Variants in CACNA1C observed in about 807,000 individuals in gnomAD.
CACNA1C encodes voltage-dependent L-type calcium channel subunit alpha-1C.
Under a neutral mutation model 229.0 loss-of-function variants are expected in CACNA1C, and 30 were observed. The observed-to-expected ratio is 0.13, with a 90% CI of 0.10 to 0.18. The LOEUF (loss-of-function observed/expected upper bound fraction) is 0.18, where lower values mean the gene tolerates loss of function less well. CACNA1C is among the 10% of genes least tolerant of loss of function. The probability of loss-of-function intolerance (pLI) is 1.00; values close to 1 mark genes in which losing one functional copy is unlikely to be tolerated. For synonymous variants in CACNA1C, 1,114 were observed against 1,132.5 expected, an observed-to-expected ratio of 0.98 and a Z score of 0.33; for missense variants, 1,658 against 2,845.0, an observed-to-expected ratio of 0.58 and a Z score of 9.49.
chr12:2,629,992 G>A (rs560679393), intron 29 of CACNA1C, among the ~76,000 whole-genome samples: 1 of 152,312 alleles, frequency 6.6e-6, no homozygotes, highest in East Asian at 1.9e-4. Context: ...AGTTGGAAGG[G>A]GGAAATCCAC....
intron 20 of CACNA1C, among the ~76,000 whole-genome samples, chr12:2,596,944 G>T (rs2068549429): frequency 6.6e-6 from 1 of 152,162 alleles, no homozygotes; most frequent in Non-Finnish European, 1.5e-5. Context: ...ACCAGATGCT[G>T]CTCAGATCCA....
intron 9 of CACNA1C, among the ~76,000 whole-genome samples, chr12:2,527,815 G>A (rs995990580): frequency 6.6e-6 from 1 of 152,168 alleles, no homozygotes; most frequent in African/African-American, 2.4e-5. Context: ...AGTAATGTCA[G>A]TGGTGGGTCC....
rs1482443482 is a variant in CACNA1C, at chr12:2,674,530, C to G, written c.4727-11C>G. On this transcript the variant is annotated splice_polypyrimidine_tract_variant and intron_variant, in intron 38 of 46. Transcript: ENST00000399655. ...CCCACCAAGGGGCTGAGGATCCTTT[C>G]CGCCCTGCAGGGAACCTAGAACAAG... The G allele has an allele frequency of 1.3e-6, 2 of 1,554,016 alleles. No individual in the cohort carries two copies. The highest frequency in any genetic ancestry group is 1.7e-6 in the Non-Finnish European group (2 of 1,148,290).
intron 3 of CACNA1C, among the ~76,000 whole-genome samples, chr12:2,386,741 G>A (rs1188261530): frequency 6.6e-6 from 1 of 152,168 alleles, no homozygotes; most frequent in African/African-American, 2.4e-5. Context: ...TAGACACTAA[G>A]CACCCGAGGG....
chr12:2,494,666 G>T (rs542495215), intron 7 of CACNA1C, among the ~76,000 whole-genome samples: 9 of 152,338 alleles, frequency 5.9e-5, no homozygotes, highest in Admixed American at 4.6e-4. Context: ...ACTTCTTCCT[G>T]AATCGGAAGG....
At chr12:2,298,787 G>T (rs1261896111) in intron 3 of CACNA1C, among the ~76,000 whole-genome samples, 1 of 152,136 alleles carries the variant, frequency 6.6e-6, no homozygotes, top group African/African-American at 2.4e-5. Flanking sequence ...CAGCCAAGTC[G>T]GTTCCTATCT....
intron 29 of CACNA1C, among the ~76,000 whole-genome samples, 186 bp from the exon 30 acceptor site, chr12:2,634,111 T>C (rs1424859372): frequency 6.6e-6 from 1 of 152,132 alleles, no homozygotes; most frequent in African/African-American, 2.4e-5. Context: ...GCCAGAACTG[T>C]AGAGTGGTAA....
intron 1 of CACNA1C, among the ~76,000 whole-genome samples, chr12:2,074,065 T>C (rs2062291809): frequency 6.6e-6 from 1 of 152,214 alleles, no homozygotes; most frequent in South Asian, 2.1e-4. Flanking sequence ...GTTGCTTAGG[T>C]TGTATTTTAT....
chr12:2,477,287 G>A (rs1191351147), intron 5 of CACNA1C, among the ~76,000 whole-genome samples: 1 of 152,198 alleles, frequency 6.6e-6, no homozygotes, highest in Non-Finnish European at 1.5e-5. Flanking sequence ...AAGCAGTCAG[G>A]TATGACTTTG....
chr12:2,234,792 A>G (rs533309280), intron 3 of CACNA1C, among the ~76,000 whole-genome samples: 6 of 152,296 alleles, frequency 3.9e-5, no homozygotes, highest in East Asian at 1.9e-4. Flanking sequence ...AACTATTTCA[A>G]TTAAAAGTAA....
In CACNA1C at chr12:2,435,226, C is replaced by T. The variant is rs1018759952; in HGVS notation, c.478-13750C>T. ...CTCCTCCCCTGCCACCTTCAGGCCTCGCTGCCACCACACATCCTGACCACC... is the reference window on the plus strand; with the variant it reads ...CTCCTCCCCTGCCACCTTCAGGCCTTGCTGCCACCACACATCCTGACCACC... On this transcript the variant is annotated intron_variant, in intron 3 of 46. Transcript: ENST00000399655. 5.9e-5 allele frequency among the ~76,000 whole-genome samples: 9 copies of T among 152,240 alleles called. 1 individual carries two copies. The highest frequency in any genetic ancestry group is 3.9e-4 in the Admixed American group (6 of 15,288).
chr12:2,358,675 G>C (rs1268857164), intron 3 of CACNA1C, among the ~76,000 whole-genome samples: 1 of 152,204 alleles, frequency 6.6e-6, no homozygotes, highest in Non-Finnish European at 1.5e-5. Flanking sequence ...GCACAATCCA[G>C]GTTAACCGCA....
intron 8 of CACNA1C, among the ~76,000 whole-genome samples, chr12:2,507,510 T>C (rs981790397): frequency 3.3e-5 from 5 of 152,234 alleles, no homozygotes; most frequent in Admixed American, 2.6e-4. Flanking sequence ...GCAGATGTAG[T>C]TGACCATGCA....
chr12:2,472,165 G>A (rs139680187), intron 5 of CACNA1C, among the ~76,000 whole-genome samples: 158 of 152,150 alleles, frequency 1.0e-3, no homozygotes, highest in African/African-American at 3.3e-3. Flanking sequence ...TTTCAAGTTC[G>A]GGACTTTTGG....
chr12:2,488,121 C>T lies in CACNA1C; in HGVS notation c.916+1859C>T, dbSNP rs1444857610. On this transcript the variant is annotated intron_variant, in intron 6 of 46. Transcript: ENST00000399655. The surrounding 1 kb of genome is among the most constrained non-coding windows in gnomAD (Gnocchi z 4.0). ...CAGCCATCGAGCCAAAGATGGCGGCCCTGCTGTGCAATCAGAGGTCTGTGC... is the reference window on the plus strand; with the variant it reads ...CAGCCATCGAGCCAAAGATGGCGGCTCTGCTGTGCAATCAGAGGTCTGTGC... Among the ~76,000 whole-genome samples, 1 of 152,176 alleles carries T rather than the reference C, an allele frequency of 6.6e-6. No homozygotes were observed. Among genetic ancestry groups the T allele is most frequent in the East Asian group, 1.9e-4 (1 of 5,198 alleles).
intron 3 of CACNA1C, among the ~76,000 whole-genome samples, chr12:2,204,527 A>G (rs1275191723): frequency 6.6e-6 from 1 of 151,218 alleles, no homozygotes; most frequent in Non-Finnish European, 1.5e-5. Flanking sequence ...ACAATAGCAA[A>G]GACTTGGAAC....
chr12:2,174,804 T>G (rs187285760), intron 3 of CACNA1C, among the ~76,000 whole-genome samples: 1 of 152,370 alleles, frequency 6.6e-6, no homozygotes, highest in Admixed American at 6.5e-5. Context: ...ATTTAGTGTA[T>G]TCTTACAATA....
Position 2,495,871 on chromosome 12 carries a change from A to G in CACNA1C, c.1113+2485A>G, listed in dbSNP as rs17801271. Among the ~76,000 whole-genome samples, 1,124 of 152,306 alleles carry G rather than the reference A, an allele frequency of 7.4e-3. 9 individuals carry two copies. Among genetic ancestry groups the G allele is most frequent in the Non-Finnish European group, 0.012 (788 of 68,022 alleles). On this transcript the variant is annotated intron_variant, in intron 7 of 46. Transcript: ENST00000399655. ...ACACACCTAAAACTGAAACTTGGGT[A>G]TTCATGATAGAAGCCCTGCCTAGCC...
At chr12:2,247,194 C>T (rs183522597) in intron 3 of CACNA1C, among the ~76,000 whole-genome samples, 17 of 152,180 alleles carry the variant, frequency 1.1e-4, no homozygotes, top group Admixed American at 7.2e-4. Flanking sequence ...CTTTGGGCAG[C>T]GGGGATGGCC....
Sources: gnomAD v4.1 joint callset for allele counts (sites outside exome capture counted in the v4.1 genomes callset) on GRCh38, gnomAD v4.1.1 for gene constraint, Gnocchi (gnomAD v3.1) non-coding constraint, MANE v1.5 for transcripts, NCBI Gene and HGNC (gene_info 2026-07-23, HGNC 2026-07-21) for gene names.